Variants in ZEB1 observed in about 807,000 individuals in gnomAD.
ZEB1 encodes zinc finger E-box binding homeobox 1, also known as zinc finger E-box-binding homeobox 1.
ZEB1 carries 21 observed loss-of-function variants against 84.9 expected under a neutral mutation model. That is an observed-to-expected ratio of 0.25 (90% CI 0.18 to 0.36). ZEB1 has a LOEUF of 0.36. ZEB1 is among the 10% of genes least tolerant of loss of function. ZEB1 has a pLI of 1.00. For missense variants in ZEB1, 1,104 were observed against 1,330.2 expected, an observed-to-expected ratio of 0.83 and a Z score of 2.65; for synonymous variants, 420 against 471.1, an observed-to-expected ratio of 0.89 and a Z score of 1.41.
intron 1 of ZEB1, among the ~76,000 whole-genome samples, chr10:31,341,387 G>C (rs1022243739): frequency 3.3e-5 from 5 of 152,154 alleles, no homozygotes; most frequent in African/African-American, 9.7e-5. Context: ...AAATGGACGA[G>C]ATTAACTCCA....
chr10:31,321,230 C>A, intron 1 of ZEB1: 1 of 1,186,720 alleles, frequency 8.4e-7, no homozygotes, highest in Admixed American at 4.1e-5. Flanking sequence ...GAAGCAGATA[C>A]GAAGATTTTT....
intron 2 of ZEB1, among the ~76,000 whole-genome samples, chr10:31,476,687 C>T (rs2064246644): frequency 6.6e-6 from 1 of 151,994 alleles, no homozygotes; most frequent in African/African-American, 2.4e-5. Flanking sequence ...AGATTTATCG[C>T]ACATCAAAAA....
intron 6 of ZEB1, among the ~76,000 whole-genome samples, chr10:31,515,163 G>A (rs1300759520): frequency 6.6e-6 from 1 of 151,954 alleles, no homozygotes; most frequent in Non-Finnish European, 1.5e-5. Context: ...GCAATGAGAG[G>A]GAGTGAAAGG....
chr10:31,331,277 G>A (rs2036726554), intron 1 of ZEB1, among the ~76,000 whole-genome samples: 1 of 151,372 alleles, frequency 6.6e-6, no homozygotes, highest in African/African-American at 2.4e-5. Context: ...TAGTAGAGAT[G>A]GGGTTTCACC....
chr10:31,462,766 A>AT (rs1554885132), intron 2 of ZEB1, among the ~76,000 whole-genome samples: 3 of 152,170 alleles, frequency 2.0e-5, no homozygotes, highest in Non-Finnish European at 1.5e-5. Context: ...TAATTTATAA[A>AT]TAAGTCTGGT....
intron 5 of ZEB1, among the ~76,000 whole-genome samples, chr10:31,511,312 C>G (rs2069958767): frequency 6.6e-6 from 1 of 152,126 alleles, no homozygotes; most frequent in African/African-American, 2.4e-5. Context: ...ACTATTTATT[C>G]TCAGTATAAG....
At chr10:31,456,636 G>A (rs1373828691) in intron 1 of ZEB1, among the ~76,000 whole-genome samples, 1 of 152,012 alleles carries the variant, frequency 6.6e-6, no homozygotes, top group Non-Finnish European at 1.5e-5. Context: ...TGTAGGCTGT[G>A]GAATCTAGCC....
At chr10:31,423,568 T>A (rs1298182833) in intron 1 of ZEB1, among the ~76,000 whole-genome samples, 1 of 152,156 alleles carries the variant, frequency 6.6e-6, no homozygotes, top group East Asian at 1.9e-4. Flanking sequence ...TGTGTTACTA[T>A]ATAATGCAAA....
intron 1 of ZEB1, among the ~76,000 whole-genome samples, chr10:31,326,515 G>T (rs1321371143): frequency 6.6e-6 from 1 of 152,086 alleles, no homozygotes; most frequent in African/African-American, 2.4e-5. Context: ...AATAATTTTG[G>T]ACTGGAGAGA....
intron 1 of ZEB1, among the ~76,000 whole-genome samples, chr10:31,371,049 G>T (rs191123264): frequency 7.9e-5 from 12 of 152,212 alleles, no homozygotes; most frequent in Admixed American, 7.9e-4. Flanking sequence ...TGGATGAGTA[G>T]AATATATTTA....
At chr10:31,363,911 G>C in intron 1 of ZEB1, 1 of 1,311,502 alleles carries the variant, frequency 7.6e-7, no homozygotes, top group South Asian at 1.5e-5. Context: ...ACAATTCCCC[G>C]GGCAGGCACA....
intron 1 of ZEB1, among the ~76,000 whole-genome samples, chr10:31,450,912 G>C (rs187051488): frequency 2.6e-5 from 4 of 151,176 alleles, no homozygotes; most frequent in Admixed American, 1.3e-4. Context: ...ATGTGTGCCT[G>C]TGTGTGTGTG....
intron 1 of ZEB1, among the ~76,000 whole-genome samples, chr10:31,440,080 G>C (rs1203757920): frequency 1.3e-5 from 2 of 152,176 alleles, no homozygotes; most frequent in Non-Finnish European, 2.9e-5. Context: ...TGGGTGGTCA[G>C]ATCTTGAATA....
intron 1 of ZEB1, among the ~76,000 whole-genome samples, chr10:31,455,644 G>A (rs1190900148): frequency 6.6e-6 from 1 of 152,114 alleles, no homozygotes; most frequent in African/African-American, 2.4e-5. Context: ...GCAGCCAGCA[G>A]ACATATGAAA....
chr10:31,373,353 A>G (rs889148688), intron 1 of ZEB1, among the ~76,000 whole-genome samples: 2 of 151,940 alleles, frequency 1.3e-5, no homozygotes, highest in Admixed American at 1.3e-4. Flanking sequence ...GGTTTTATAG[A>G]TAAGAGATTT....
intron 1 of ZEB1, among the ~76,000 whole-genome samples, chr10:31,448,443 C>G (rs1342122211): frequency 2.0e-5 from 3 of 147,028 alleles, no homozygotes; most frequent in African/African-American, 7.9e-5. Context: ...CAGCTTTGTT[C>G]CGTTGCTGGT....
chr10:31,527,089 A>C lies in ZEB1; in HGVS notation c.3203A>C (p.Glu1068Ala), dbSNP rs1323593817. 6.9e-6 allele frequency: 11 copies of C among 1,593,386 alleles called. No individual in the cohort carries two copies. Among genetic ancestry groups the C allele is most frequent in the Non-Finnish European group, 9.4e-6 (11 of 1,167,994 alleles). ...EKPQGDEEEE[E>A]EEEEVEEEEV... ...CCACAAGGGGATGAGGAAGAGGAGG[A>C]GGAGGAGGAAGAAGTGGAAGAAGAA... The change falls in exon 9 of 9, where the codon GAG becomes GCG. Residue 1068 changes from glutamate to alanine, a missense_variant. This residue lies in a region of ZEB1 where 173 missense variants were observed against 167.0 expected (regional missense o/e 1.04). Coordinates refer to ENST00000424869, the MANE Select transcript of ZEB1 (RefSeq NM_001174096.2).
At chr10:31,477,774 A>G (rs1158268117) in intron 2 of ZEB1, among the ~76,000 whole-genome samples, 2 of 152,036 alleles carry the variant, frequency 1.3e-5, no homozygotes, top group Non-Finnish European at 2.9e-5. Context: ...AGGACATCCT[A>G]TTCAGTAAGT....
In ZEB1 at chr10:31,388,565, C is replaced by CT. The variant is rs201389141; in HGVS notation, c.58+69280dup. Among the ~76,000 whole-genome samples the CT allele has an allele frequency of 5.6e-3, 849 of 152,074 alleles. 13 individuals carry two copies. Among genetic ancestry groups the CT allele is most frequent in the African/African-American group, 0.02 (814 of 41,516 alleles). ...TTGAAAAACCTTGAGAACCAATTTA[C>CT]TTTTTTTGTATGTAAATGGTCGAGG... On this transcript the variant is annotated intron_variant, in intron 1 of 8. Coordinates refer to ENST00000424869, the MANE Select transcript of ZEB1 (RefSeq NM_001174096.2).
Sources: gnomAD v4.1 joint callset for allele counts (sites outside exome capture counted in the v4.1 genomes callset) on GRCh38, gnomAD v4.1.1 for gene constraint, gnomAD v4.1.1 regional missense constraint, MANE v1.5 for transcripts, NCBI Gene and HGNC (gene_info 2026-07-23, HGNC 2026-07-21) for gene names.